CSF3: variants seen among roughly 807,000 people sequenced by gnomAD.
The protein encoded by CSF3 is colony stimulating factor 3, also known as granulocyte colony-stimulating factor.
CSF3 carries 17 observed loss-of-function variants against 20.2 expected under a neutral mutation model. The ratio of observed to expected loss-of-function variants is 0.84; its 90% CI spans 0.58 to 1.26. CSF3 has a LOEUF of 1.26. Among genes scored for constraint, CSF3 ranks in the 50% most tolerant of loss-of-function variants. The pLI is 0.00. For missense variants in CSF3, 210 were observed against 256.0 expected (o/e 0.82, Z 1.23); for synonymous variants, 125 against 115.3 (o/e 1.08, Z -0.54).
In CSF3 at chr17:40,015,776, C is replaced by A; in HGVS notation, c.126C>A (p.Ser42Arg). 6.2e-7 allele frequency: 1 copy of A among 1,608,870 alleles called. No individual in the cohort carries two copies. The highest frequency in any genetic ancestry group is 8.5e-7 in the Non-Finnish European group (1 of 1,177,570). Reference protein sequence around the residue: ...PLGPASSLPQSFLLKCLEQVR... With the variant: ...PLGPASSLPQRFLLKCLEQVR... ...GCCCTGCCAGCTCCCTGCCCCAGAG[C>A]TTCCTGCTCAAGTGCTTAGAGCAAG... is the stretch of plus-strand genomic sequence containing the variant. The change falls in exon 2 of 5, where the codon AGC becomes AGA. Residue 42 changes from serine to arginine, a missense_variant. Coordinates refer to ENST00000394149, the MANE Select transcript of CSF3 (RefSeq NM_172219.3).
At position 40,016,940 on chromosome 17, in the gene CSF3, G is replaced by A. The variant is rs547038752; in HGVS notation, c.596G>A (p.Arg199His). 119 of 1,600,946 alleles carry A rather than the reference G, an allele frequency of 7.4e-5. 1 individual carries two copies. The South Asian group carries it at 9.8e-4, about 13-fold the overall frequency. The change falls in exon 5 of 5, where the codon CGC becomes CAC. Residue 199 changes from arginine to histidine, a missense_variant. By Grantham distance (29) the Arg-to-His change is conservative. Coordinates refer to ENST00000394149, the MANE Select transcript of CSF3 (RefSeq NM_172219.3). ...SFLEVSYRVL[R>H]HLAQP ...CTGGAGGTGTCGTACCGCGTTCTAC[G>A]CCACCTTGCCCAGCCCTGAGCCAAG...
Position 40,016,888 on chromosome 17 carries a change from C to A in CSF3, c.544C>A (p.Leu182Met). 1 of 1,613,592 alleles carries A rather than the reference C, an allele frequency of 6.2e-7. No homozygotes were observed. The highest frequency in any genetic ancestry group is 8.5e-7 in the Non-Finnish European group (1 of 1,179,930). ...TTTCCAGCGCCGGGCAGGAGGGGTC[C>A]TGGTTGCCTCCCATCTGCAGAGCTT... The part of the protein sequence containing the change: ...SAFQRRAGGV[L>M]VASHLQSFLE... Residue 182 changes from leucine (L) to methionine (M), a missense_variant, in exon 5 of 5, where the codon CTG (leucine) becomes ATG (methionine). Leu to Met is a conservative substitution (Grantham distance 15). Transcript: ENST00000394149.
intron 2 of CSF3, 155 bp from the exon 3 acceptor site, chr17:40,016,078 C>T: frequency 1.2e-6 from 1 of 816,012 alleles, no homozygotes; most frequent in Admixed American, 2.9e-5. Flanking sequence ...GGCAAGGGCC[C>T]CTGTGAGATC....
Position 40,017,421 on chromosome 17 carries a change from A to T in CSF3, c.*462A>T, listed in dbSNP as rs1226018718. ...CCCCTTGGCTGTGAGGCCCCTGGAC[A>T]AGCAGAGGTGGCCAGAGCTGGGAGG... On this transcript the variant is annotated 3_prime_UTR_variant, in exon 5 of 5. Transcript: ENST00000394149. The T allele has an allele frequency of 1.3e-5, 2 of 153,126 alleles. No individual in the cohort carries two copies. The highest frequency in any genetic ancestry group is 2.4e-5 in the African/African-American group (1 of 40,984). The allele number at this position is 153,126 out of a possible 1,614,324, so 9.5% of individuals were successfully genotyped here.
At chr17:40,016,763 G>C (rs778915010) in intron 4 of CSF3, 32 bp from the exon 5 acceptor site, 16 of 1,612,848 alleles carry the variant, frequency 9.9e-6, no homozygotes, top group Non-Finnish European at 1.4e-5. Context: ...ACTCAGAAGG[G>C]CCCAACCACT....
At chr17:40,016,210 A>C (rs1264256537) in intron 2 of CSF3, 23 bp from the exon 3 acceptor site, 3 of 1,511,944 alleles carry the variant, frequency 2.0e-6, no homozygotes, top group Admixed American at 2.2e-5. Flanking sequence ...GGCGAGTCTC[A>C]CTCAGCATCC....
chr17:40,015,619 G>T, intron 1 of CSF3, 72 bp from the exon 2 acceptor site: 1 of 1,544,668 alleles, frequency 6.5e-7, no homozygotes. Context: ...GGGGATTAAA[G>T]GCACCCAGTG....
In CSF3 at chr17:40,016,322, C is replaced by T. The variant is rs1297085697; in HGVS notation, c.285C>T (p.Pro95=). The change falls in exon 3 of 5, where the codon CCC becomes CCT. Residue 95 remains proline (P), a synonymous_variant. Coordinates refer to ENST00000394149, the MANE Select transcript of CSF3 (RefSeq NM_172219.3). Reference sequence around the variant, plus strand: ...CCTGGGCTCCCCTGAGCAGCTGCCCCAGCCAGGCCCTGCAGCTGGTGAGTG... The same window carrying T: ...CCTGGGCTCCCCTGAGCAGCTGCCCTAGCCAGGCCCTGCAGCTGGTGAGTG... The part of the protein sequence containing the change: ...GIPWAPLSSC[P]SQALQLAGCL... 3.7e-6 allele frequency: 6 copies of T among 1,612,036 alleles called. No individual in the cohort carries two copies. The highest frequency in any genetic ancestry group is 5.1e-6 in the Non-Finnish European group (6 of 1,179,046).
chr17:40,016,681 C>T, intron 4 of CSF3, 50 bp downstream of exon 4: 1 of 1,612,526 alleles, frequency 6.2e-7, no homozygotes, highest in Non-Finnish European at 8.5e-7. Flanking sequence ...ATTCTGGGCA[C>T]CACAGCCAGG....
intron 2 of CSF3, 90 bp downstream of exon 2, chr17:40,015,935 G>T: frequency 1.4e-6 from 2 of 1,478,566 alleles, no homozygotes; most frequent in South Asian, 2.7e-5. Flanking sequence ...CCTCTGGAAG[G>T]GACGTGGGAG....
In CSF3 at chr17:40,017,149, G is replaced by T; in HGVS notation, c.*190G>T. 1.8e-6 allele frequency: 1 copy of T among 545,632 alleles called. No homozygotes were observed. The highest frequency in any genetic ancestry group is 2.8e-5 in the South Asian group (1 of 35,924). The allele number at this position is 545,632 out of a possible 1,614,324, so 33.8% of individuals were successfully genotyped here. ...TGTCCTCCCATCCCCTGGACTGGGAGGTAGATAGGTAAATACCAAGTATTT... is the reference window on the plus strand; with the variant it reads ...TGTCCTCCCATCCCCTGGACTGGGATGTAGATAGGTAAATACCAAGTATTT... On this transcript the variant is annotated 3_prime_UTR_variant, in exon 5 of 5. Transcript: ENST00000394149.
rs866124767 is a variant in CSF3, at chr17:40,015,724, G to A, written c.74G>A (p.Trp25Ter). Residue 25 changes from tryptophan to a stop codon, truncating the protein, a stop_gained, in exon 2 of 5, where the codon TGG becomes TAG. Transcript: ENST00000394149. LOFTEE classifies it high-confidence loss of function. ...CTGCTGCTGTGGCACAGTGCACTCTGGACAGTGCAGGAAGCCACCCCCCTG... is the reference window on the plus strand; with the variant it reads ...CTGCTGCTGTGGCACAGTGCACTCTAGACAGTGCAGGAAGCCACCCCCCTG... The part of the protein sequence containing the change: ...LQLLLWHSAL[W>*]TVQEATPLGP... The A allele has an allele frequency of 1.3e-6, 2 of 1,595,530 alleles. No individual in the cohort carries two copies. Among genetic ancestry groups the A allele is most frequent in the South Asian group, 2.3e-5 (2 of 88,462 alleles).
chr17:40,016,375 G>A, intron 3 of CSF3, 35 bp downstream of exon 3: 2 of 1,608,062 alleles, frequency 1.2e-6, no homozygotes, highest in Non-Finnish European at 1.7e-6. Flanking sequence ...TAATGAGGAG[G>A]GGGAAGGAGA....
intron 1 of CSF3, 81 bp from the exon 2 acceptor site, chr17:40,015,610 G>A: frequency 6.5e-7 from 1 of 1,545,020 alleles, no homozygotes; most frequent in Non-Finnish European, 8.7e-7. Context: ...TCTGGGAATG[G>A]GGATTAAAGG....
rs1307637532 is a variant in CSF3, at chr17:40,015,468, C to T, written c.-7C>T. The T allele has an allele frequency of 6.4e-7, 1 of 1,551,454 alleles. No homozygotes were observed. ...CCGGAGCCTGCAGCCCAGCCCCACCCAGACCCATGGCTGGACCTGCCACCC... is the reference window on the plus strand; with the variant it reads ...CCGGAGCCTGCAGCCCAGCCCCACCTAGACCCATGGCTGGACCTGCCACCC... On this transcript the variant is annotated 5_prime_UTR_variant, in exon 1 of 5. Transcript: ENST00000394149.
chr17:40,016,368 TGAG>T (rs1981387695), intron 3 of CSF3, 28 bp downstream of exon 3: 3 of 1,609,690 alleles, frequency 1.9e-6, no homozygotes, highest in East Asian at 4.5e-5. Context: ...ATAAGGCTAA[TGAG>T]GAGGGGGAAG....
Position 40,016,634 on chromosome 17 carries a change from G to A in CSF3, c.450+3G>A. The A allele has an allele frequency of 1.2e-6, 2 of 1,614,034 alleles. No individual in the cohort carries two copies. The highest frequency in any genetic ancestry group is 1.7e-6 in the Non-Finnish European group (2 of 1,179,998). On this transcript the variant is annotated splice_donor_region_variant and intron_variant, in intron 4 of 4. Coordinates refer to ENST00000394149, the MANE Select transcript of CSF3 (RefSeq NM_172219.3). ...TTGCCACCACCATCTGGCAGCAGGT[G>A]AGCCTTGTTGGGCAGGGTGGCCAAG...
rs1367776142 is a variant in CSF3 at position 40,016,905 on chromosome 17, G to C, written c.561G>C (p.Leu187=). 1 of 1,613,050 alleles carries C rather than the reference G, an allele frequency of 6.2e-7. No homozygotes were observed. The highest frequency in any genetic ancestry group is 1.3e-5 in the African/African-American group (1 of 74,910). The part of the protein sequence containing the change: ...RAGGVLVASH[L]QSFLEVSYRV... ...GAGGGGTCCTGGTTGCCTCCCATCT[G>C]CAGAGCTTCCTGGAGGTGTCGTACC... Residue 187 remains leucine (L), a synonymous_variant, in exon 5 of 5, where the codon CTG becomes CTC. Coordinates refer to ENST00000394149, the MANE Select transcript of CSF3 (RefSeq NM_172219.3).
chr17:40,016,662 C>G (rs374689597), intron 4 of CSF3, 31 bp downstream of exon 4: 15 of 1,613,356 alleles, frequency 9.3e-6, no homozygotes, highest in Non-Finnish European at 1.3e-5. Flanking sequence ...TGGCCAAGGT[C>G]GTGCTGGCAT....
Sources: gnomAD v4.1 joint callset for allele counts on GRCh38, gnomAD v4.1.1 for gene constraint, MANE v1.5 for transcripts, NCBI Gene and HGNC (gene_info 2026-07-23, HGNC 2026-07-21) for gene names.